The following RAB10 variants were observed in gnomAD, a reference collection of about 807,000 sequenced individuals.
RAB10 encodes the protein ras-related protein Rab-10.
RAB10 carries 5 observed loss-of-function variants against 25.7 expected under a neutral mutation model. The ratio of observed to expected loss-of-function variants is 0.19; its 90% CI spans 0.10 to 0.41. The LOEUF (loss-of-function observed/expected upper bound fraction) is 0.41. Among genes scored for constraint, RAB10 ranks in the 10% least tolerant of loss-of-function variants. The probability of loss-of-function intolerance (pLI) is 1.00; values close to 1 mark genes in which losing one functional copy is unlikely to be tolerated. For missense variants in RAB10, 103 were observed against 245.8 expected (o/e 0.42, Z 3.89); for synonymous variants, 89 against 86.4 (o/e 1.03, Z -0.16).
intron 1 of RAB10, among the ~76,000 whole-genome samples, chr2:26,075,429 G>C (rs1185697325): frequency 6.6e-6 from 1 of 151,888 alleles, no homozygotes; most frequent in Non-Finnish European, 1.5e-5. Flanking sequence ...AACTGTTTTT[G>C]TGCTTTGACT....
intron 1 of RAB10, among the ~76,000 whole-genome samples, chr2:26,057,350 G>A (rs989464259): frequency 5.3e-5 from 8 of 151,534 alleles, no homozygotes; most frequent in African/African-American, 1.9e-4. Context: ...GATTGCTTGA[G>A]CCCAGGAATT....
At chr2:26,133,831 A>G (rs1354030859) in intron 5 of RAB10, among the ~76,000 whole-genome samples, 1 of 151,560 alleles carries the variant, frequency 6.6e-6, no homozygotes, top group Non-Finnish European at 1.5e-5. Context: ...GCAACACCAC[A>G]CCCAGCTAGT....
chr2:26,062,054 T>C (rs1019244142), intron 1 of RAB10, among the ~76,000 whole-genome samples: 42 of 152,296 alleles, frequency 2.8e-4, no homozygotes, highest in African/African-American at 9.4e-4. Context: ...GTATGTGATG[T>C]CTTTTTTGGT....
intron 1 of RAB10, among the ~76,000 whole-genome samples, chr2:26,052,056 CAA>C (rs71399349): frequency 1.7e-5 from 2 of 115,248 alleles, no homozygotes; most frequent in Non-Finnish European, 1.8e-5. Context: ...GACTCAGTCT[CAA>C]AAAAAAAAAA....
At chr2:26,086,257 G>C (rs1666985728) in intron 1 of RAB10, among the ~76,000 whole-genome samples, 1 of 152,162 alleles carries the variant, frequency 6.6e-6, no homozygotes, top group Non-Finnish European at 1.5e-5. Flanking sequence ...TTGTACTCCA[G>C]CCTGGGCAAC....
chr2:26,078,726 T>C (rs919775192), intron 1 of RAB10, among the ~76,000 whole-genome samples: 1 of 152,076 alleles, frequency 6.6e-6, no homozygotes, highest in African/African-American at 2.4e-5. Context: ...AAAATCACAT[T>C]GAGGCACATC....
intron 1 of RAB10, among the ~76,000 whole-genome samples, chr2:26,078,507 A>G (rs939749782): frequency 6.6e-6 from 1 of 152,170 alleles, no homozygotes; most frequent in African/African-American, 2.4e-5. Context: ...CAGAAATAAA[A>G]CTTTAGATTT....
At chr2:26,103,493 T>C (rs1429287395) in intron 2 of RAB10, among the ~76,000 whole-genome samples, 1 of 152,248 alleles carries the variant, frequency 6.6e-6, no homozygotes, top group Non-Finnish European at 1.5e-5. Context: ...GAGTTTGGAA[T>C]TGATTCTGGT....
At chr2:26,066,623 C>T (rs1666516478) in intron 1 of RAB10, among the ~76,000 whole-genome samples, 1 of 152,030 alleles carries the variant, frequency 6.6e-6, no homozygotes, top group Non-Finnish European at 1.5e-5. Context: ...ACCATCAGAT[C>T]TTGTGAGAAC....
At chr2:26,100,841 G>A (rs920503402) in intron 2 of RAB10, among the ~76,000 whole-genome samples, 2 of 150,852 alleles carry the variant, frequency 1.3e-5, no homozygotes, top group Non-Finnish European at 2.9e-5. Context: ...TTCATTCAAG[G>A]ATTTTTTTTT....
chr2:26,092,016 A>G (rs913834334), intron 1 of RAB10, among the ~76,000 whole-genome samples: 1 of 151,958 alleles, frequency 6.6e-6, no homozygotes, highest in Non-Finnish European at 1.5e-5. Context: ...TACTAAAAAT[A>G]CAGAAGTTAG....
Position 26,080,049 on chromosome 2 carries a change from G to C in RAB10, c.128-18613G>C, listed in dbSNP as rs1377408361. On this transcript the variant is annotated intron_variant, in intron 1 of 5. Transcript: ENST00000264710. Reference sequence around the variant, plus strand: ...GTAGGAGAAATACAGAATGATCCTGGAACATCTTGTGATTCTAGAAAACAA... The same window carrying C: ...GTAGGAGAAATACAGAATGATCCTGCAACATCTTGTGATTCTAGAAAACAA... 3.3e-5 allele frequency among the ~76,000 whole-genome samples: 5 copies of C among 152,136 alleles called. No homozygotes were observed. In the East Asian group the frequency reaches 9.6e-4, roughly 29 times the overall value.
intron 3 of RAB10, among the ~76,000 whole-genome samples, chr2:26,122,961 A>G (rs1343588102): frequency 6.6e-6 from 1 of 152,198 alleles, no homozygotes; most frequent in Non-Finnish European, 1.5e-5. Flanking sequence ...ACAGGGAATT[A>G]AGGCAGGAAG....
chr2:26,096,679 A>G (rs928874107), intron 1 of RAB10, among the ~76,000 whole-genome samples: 4 of 152,174 alleles, frequency 2.6e-5, no homozygotes, highest in African/African-American at 7.2e-5. Context: ...TTCTGAAACA[A>G]TGCTTGAATT....
chr2:26,051,595 C>CA (rs560459553), intron 1 of RAB10, among the ~76,000 whole-genome samples: 81 of 131,136 alleles, frequency 6.2e-4, no homozygotes, highest in South Asian at 4.5e-3. Context: ...ACTAAAAATA[C>CA]AAAAAAAAAA....
chr2:26,048,624 C>T (rs983400266), intron 1 of RAB10, among the ~76,000 whole-genome samples: 2 of 152,152 alleles, frequency 1.3e-5, no homozygotes, highest in Admixed American at 1.3e-4. Flanking sequence ...TGCAGTGGCT[C>T]ACACCTGTAA....
intron 1 of RAB10, among the ~76,000 whole-genome samples, chr2:26,049,489 A>C (rs536109626): frequency 6.6e-6 from 1 of 151,320 alleles, no homozygotes; most frequent in East Asian, 1.9e-4. Flanking sequence ...GCTCACTGCA[A>C]CCTCCACCTT....
At chr2:26,045,238 CTTTTT>C (rs202201784) in intron 1 of RAB10, among the ~76,000 whole-genome samples, 17,666 of 146,204 alleles carry the variant, frequency 0.12, 1,203 homozygotes, top group African/African-American at 0.2. Flanking sequence ...TCTCTTTCAA[CTTTTT>C]TTTTTTTTTT....
rs1667922793 is a variant in RAB10, at chr2:26,127,068, G to T, written c.328-76G>T. ...ATAGAAATGACCCTCTAAATTGAGA[G>T]AATAAAGTCACTTTTAAAGACTGTT... On this transcript the variant is annotated intron_variant, in intron 3 of 5. Coordinates refer to ENST00000264710, the MANE Select transcript of RAB10 (RefSeq NM_016131.5). The T allele has an allele frequency of 4.4e-6, 5 of 1,128,352 alleles. No homozygotes were observed. The South Asian group carries it at 7.4e-5, about 17-fold the overall frequency. The allele number at this position is 1,128,352 out of a possible 1,614,324, so 69.9% of individuals were successfully genotyped here. A position where few individuals can be genotyped will look rare whatever the true frequency, so the allele number is the denominator to read the frequency against.
Sources: allele counts gnomAD v4.1 joint callset (sites outside exome capture counted in the v4.1 genomes callset), GRCh38; gene constraint gnomAD v4.1.1; transcripts MANE v1.5; gene names NCBI Gene and HGNC (gene_info 2026-07-23, HGNC 2026-07-21).